CLDN16: variants seen among roughly 807,000 people sequenced by gnomAD.
The protein encoded by CLDN16 is claudin 16.
Under a neutral mutation model 24.6 loss-of-function variants are expected in CLDN16, and 13 were observed. The ratio of observed to expected loss-of-function variants is 0.53; its 90% CI spans 0.34 to 0.84. The LOEUF (loss-of-function observed/expected upper bound fraction) is 0.84. Ranked by LOEUF, CLDN16 falls within the 40% of genes least tolerant of loss-of-function variation. The pLI, the probability that CLDN16 is intolerant of heterozygous loss-of-function variation, is 0.01. For synonymous variants in CLDN16, 116 were observed against 106.7 expected (o/e 1.09, Z -0.54); for missense variants, 298 against 292.7 (o/e 1.02, Z -0.13).
chr3:190,323,025 C>A (rs73192411), intron 1 of CLDN16, among the ~76,000 whole-genome samples: 154 of 151,524 alleles, frequency 1.0e-3, no homozygotes, highest in African/African-American at 2.5e-3. Flanking sequence ...CACACACACA[C>A]ACAGACACAC....
intron 2 of CLDN16, chr3:190,371,016 T>TTATATATATATA (rs141854157): frequency 0.014 from 193 of 13,782 alleles, no homozygotes; most frequent in Middle Eastern, 0.045. Context: ...GTTAATACCT[T>TTATATATATATA]TATATATATA....
chr3:190,400,078 C>T (rs1196862739), intron 1 of CLDN16, among the ~76,000 whole-genome samples: 1 of 152,128 alleles, frequency 6.6e-6, no homozygotes, highest in Admixed American at 6.5e-5. Flanking sequence ...GAAACCGGTC[C>T]CTGGTGCCAA....
At chr3:190,300,062 A>G in the CLDN16 span, among the ~76,000 whole-genome samples, 2 of 152,176 alleles carry the variant, frequency 1.3e-5, no homozygotes, top group Admixed American at 1.3e-4. Flanking sequence ...ATGTGAGAAA[A>G]CCAAAGCTCT....
At chr3:190,404,665 A>T in intron 2 of CLDN16, 97 bp from the exon 3 acceptor site, 2 of 1,180,868 alleles carry the variant, frequency 1.7e-6, no homozygotes, top group Non-Finnish European at 2.5e-6. Flanking sequence ...GGGGTGTGTT[A>T]ATGTTACCTA....
At chr3:190,320,633 C>G (rs1294104072), upstream of CLDN16, among the ~76,000 whole-genome samples, 1 of 152,174 alleles carries the variant, frequency 6.6e-6, no homozygotes, top group Non-Finnish European at 1.5e-5. Flanking sequence ...AGATTTGGAA[C>G]AGGTTTAATA....
upstream of CLDN16, chr3:190,388,079 C>A (rs192579160): frequency 7.6e-6 from 12 of 1,584,382 alleles, no homozygotes; most frequent in Admixed American, 2.0e-4. Flanking sequence ...TCAGCCCTTG[C>A]ACTGACCTGC....
At chr3:190,346,297 A>G (rs926181950) in intron 1 of CLDN16, among the ~76,000 whole-genome samples, 2 of 152,212 alleles carry the variant, frequency 1.3e-5, no homozygotes, top group Non-Finnish European at 2.9e-5. Flanking sequence ...AAGAAGTACC[A>G]TGTAGAGATG....
At chr3:190,295,747 A>T in the CLDN16 span, among the ~76,000 whole-genome samples, 9,527 of 150,196 alleles carry the variant, frequency 0.063, 367 homozygotes, top group Middle Eastern at 0.11. Context: ...ATCAGTGAAT[A>T]TGTTAGTCAG....
At chr3:190,327,870 C>A (rs540455124) in intron 1 of CLDN16, among the ~76,000 whole-genome samples, 1 of 152,188 alleles carries the variant, frequency 6.6e-6, no homozygotes, top group South Asian at 2.1e-4. Flanking sequence ...TATTATAATC[C>A]AAGGCACTAG....
chr3:190,337,425 G>A (rs1046334705), intron 1 of CLDN16, among the ~76,000 whole-genome samples: 5 of 152,188 alleles, frequency 3.3e-5, no homozygotes, highest in Non-Finnish European at 7.3e-5. Context: ...ACCAAGTGTG[G>A]AGAATGGCCC....
At chr3:190,401,231 C>T (rs1032706148) in intron 1 of CLDN16, among the ~76,000 whole-genome samples, 3 of 52,758 alleles carry the variant, frequency 5.7e-5, no homozygotes, top group Non-Finnish European at 1.1e-4. Flanking sequence ...TTTCATAGTG[C>T]ATGTATTCCT....
chr3:190,328,291 A>G (rs1717113174), intron 1 of CLDN16, among the ~76,000 whole-genome samples: 1 of 152,092 alleles, frequency 6.6e-6, no homozygotes, highest in African/African-American at 2.4e-5. Context: ...CACACACAAA[A>G]TATCTTAATT....
chr3:190,297,569 G>GTATATAA, the CLDN16 span, among the ~76,000 whole-genome samples: 1 of 125,390 alleles, frequency 8.0e-6, no homozygotes, highest in African/African-American at 2.8e-5. Context: ...ATAATATATA[G>GTATATAA]TATATAATAT....
chr3:190,318,243 A>C (rs548392589), upstream of CLDN16, among the ~76,000 whole-genome samples: 5 of 152,280 alleles, frequency 3.3e-5, no homozygotes, highest in South Asian at 1.0e-3. Context: ...AAGTTTTGCT[A>C]CCTTTCTTGT....
At chr3:190,345,907 T>A (rs1717540907) in intron 1 of CLDN16, among the ~76,000 whole-genome samples, 1 of 152,072 alleles carries the variant, frequency 6.6e-6, no homozygotes, top group Non-Finnish European at 1.5e-5. Context: ...ATTCATTTAT[T>A]TATGTAATAT....
At chr3:190,331,442 T>C (rs1717178342) in intron 1 of CLDN16, among the ~76,000 whole-genome samples, 1 of 152,186 alleles carries the variant, frequency 6.6e-6, no homozygotes, top group Admixed American at 6.5e-5. Flanking sequence ...AGCATTTAGT[T>C]ATAATCTAGG....
chr3:190,330,813 A>G (rs1717167037), intron 1 of CLDN16, among the ~76,000 whole-genome samples: 1 of 152,190 alleles, frequency 6.6e-6, no homozygotes, highest in Non-Finnish European at 1.5e-5. Flanking sequence ...ATCAAAAGTA[A>G]AATTAATTTT....
chr3:190,383,311 A>G (rs1400831559), upstream of CLDN16, among the ~76,000 whole-genome samples: 1 of 152,124 alleles, frequency 6.6e-6, no homozygotes, highest in African/African-American at 2.4e-5. Flanking sequence ...CTTGAATCTC[A>G]CTTTAAGCCT....
At chr3:190,343,839 A>G (rs1232412965) in intron 1 of CLDN16, among the ~76,000 whole-genome samples, 2 of 152,098 alleles carry the variant, frequency 1.3e-5, no homozygotes, top group Admixed American at 6.6e-5. Flanking sequence ...ATGGGAAGAT[A>G]CAGGCCAGAG....
Sources: gnomAD v4.1 joint callset for allele counts (sites outside exome capture counted in the v4.1 genomes callset) on GRCh38, gnomAD v4.1.1 for gene constraint, MANE v1.5 for transcripts, NCBI Gene and HGNC (gene_info 2026-07-23, HGNC 2026-07-21) for gene names.